ID1: variants seen among roughly 807,000 people sequenced by gnomAD.
The protein encoded by ID1 is DNA-binding protein inhibitor ID-1.
A neutral mutation model predicts 11.3 loss-of-function variants in ID1; 8 were observed. The observed-to-expected ratio is 0.71, with a 90% CI of 0.42 to 1.28. ID1 has a LOEUF of 1.28. ID1 is among the 50% of genes most tolerant of loss of function. ID1 has a pLI of 0.01. For missense variants in ID1, 347 were observed against 219.8 expected (o/e 1.58, Z -3.66); for synonymous variants, 176 against 100.2 (o/e 1.76, Z -4.52).
At position 31,606,055 on chromosome 20, in the gene ID1, G is replaced by T. The variant is rs370401552; in HGVS notation, c.429G>T (p.Ala143=). ...NGEISALTAE[A]ACVPADDRIL... ...CTCATTTCTTCTCGTTTTCACAGGCGGCATGCGTTCCTGCGGACGATCGCA... is the reference window on the plus strand; with the variant it reads ...CTCATTTCTTCTCGTTTTCACAGGCTGCATGCGTTCCTGCGGACGATCGCA... Residue 143 remains alanine (A), a splice_region_variant and synonymous_variant, in exon 2 of 2, where the codon GCG becomes GCT. Transcript: ENST00000376112. 1.3e-5 allele frequency: 21 copies of T among 1,611,210 alleles called. No individual in the cohort carries two copies. The African/African-American group carries it at 2.5e-4, about 19-fold the overall frequency.
Position 31,605,456 on chromosome 20 carries a change from G to C in ID1, c.69G>C (p.Lys23Asn). Residue 23 changes from lysine to asparagine, a missense_variant, in exon 1 of 2, where the codon AAG becomes AAC. By Grantham distance (94) the Lys-to-Asn change is moderately conservative (BLOSUM62 0). Transcript: ENST00000376112. ...AGPSCALKAGKTASGAGEVVR... is the reference protein window; with the variant it reads ...AGPSCALKAGNTASGAGEVVR... Reference sequence around the variant, plus strand: ...CCAGCTGCGCGCTGAAGGCCGGCAAGACAGCGAGCGGTGCGGGCGAGGTGG... The same window carrying C: ...CCAGCTGCGCGCTGAAGGCCGGCAACACAGCGAGCGGTGCGGGCGAGGTGG... The C allele has an allele frequency of 1.2e-6, 2 of 1,609,028 alleles. No homozygotes were observed. The highest frequency in any genetic ancestry group is 1.7e-6 in the Non-Finnish European group (2 of 1,178,190).
chr20:31,606,459 A>G lies in ID1; in HGVS notation c.*365A>G. 2 of 275,570 alleles carry G rather than the reference A, an allele frequency of 7.3e-6. No homozygotes were observed. Among genetic ancestry groups the G allele is most frequent in the South Asian group, 8.2e-5 (1 of 12,180 alleles). 17.1% of individuals were successfully genotyped at this position (275,570 alleles called of 1,614,324 possible). A position where few individuals can be genotyped will look rare whatever the true frequency, so the allele number is the denominator to read the frequency against. On this transcript the variant is annotated 3_prime_UTR_variant, in exon 2 of 2. Coordinates refer to ENST00000376112, the MANE Select transcript of ID1 (RefSeq NM_002165.4). ...TCACCGACTGAAAATATTGTTTTAC[A>G]ATAGTTCTGTGGGGCTGTTTTTTTG...
At position 31,606,180 on chromosome 20, in the gene ID1, C is replaced by A; in HGVS notation, c.*86C>A. 1 of 1,386,632 alleles carries A rather than the reference C, an allele frequency of 7.2e-7. No individual in the cohort carries two copies. Among genetic ancestry groups the A allele is most frequent in the South Asian group, 1.2e-5 (1 of 84,306 alleles). 85.9% of individuals were successfully genotyped at this position (1,386,632 alleles called of 1,614,324 possible). ...TCTGTGGGTCTCCCCCAACGCGCCT[C>A]GCCGGATCTGAGGGAGAACAAGACC... is the stretch of plus-strand genomic sequence containing the variant. On this transcript the variant is annotated 3_prime_UTR_variant, in exon 2 of 2. Transcript: ENST00000376112.
Position 31,605,475 on chromosome 20 carries a change from G to C in ID1, c.88G>C (p.Glu30Gln), listed in dbSNP as rs1986056340. The C allele has an allele frequency of 6.2e-7, 1 of 1,607,720 alleles. No individual in the cohort carries two copies. Among genetic ancestry groups the C allele is most frequent in the Non-Finnish European group, 8.5e-7 (1 of 1,177,102 alleles). The change falls in exon 1 of 2, where the codon GAG becomes CAG. Residue 30 changes from glutamate to glutamine, a missense_variant. Physicochemically the swap from Glu to Gln is conservative, Grantham distance 29. Transcript: ENST00000376112. Reference protein sequence around the residue: ...KAGKTASGAGEVVRCLSEQSV... With the variant: ...KAGKTASGAGQVVRCLSEQSV... ...CGGCAAGACAGCGAGCGGTGCGGGC[G>C]AGGTGGTGCGCTGTCTGTCTGAGCA...
intron 1 of ID1, 119 bp downstream of exon 1, chr20:31,605,932 G>A (rs1986090512): frequency 7.6e-6 from 12 of 1,587,974 alleles, no homozygotes; most frequent in South Asian, 6.8e-5. Context: ...GCTATGCGGG[G>A]GTGCCTAAGG....
Position 31,605,536 on chromosome 20 carries a change from G to A in ID1, c.149G>A (p.Gly50Glu). ...ATCTCGCGCTGCGCCGGGGGCGCCG[G>A]GGCGCGCCTGCCTGCCCTGCTGGAC... ...VAISRCAGGA[G>E]ARLPALLDEQ... The change falls in exon 1 of 2, where the codon GGG (glycine) becomes GAG (glutamate). Residue 50 changes from glycine (G) to glutamate (E), a missense_variant. Gly to Glu is a moderately conservative substitution (Grantham distance 98, BLOSUM62 -2). Coordinates refer to ENST00000376112, the MANE Select transcript of ID1 (RefSeq NM_002165.4). 6.4e-7 allele frequency: 1 copy of A among 1,558,020 alleles called. No individual in the cohort carries two copies. The highest frequency in any genetic ancestry group is 8.7e-7 in the Non-Finnish European group (1 of 1,148,998).
chr20:31,606,162 G>A lies in ID1; in HGVS notation c.*68G>A. 1 of 1,513,000 alleles carries A rather than the reference G, an allele frequency of 6.6e-7. No homozygotes were observed. The highest frequency in any genetic ancestry group is 9.1e-7 in the Non-Finnish European group (1 of 1,094,230). 93.7% of individuals were successfully genotyped at this position (1,513,000 alleles called of 1,614,324 possible). On this transcript the variant is annotated 3_prime_UTR_variant, in exon 2 of 2. Coordinates refer to ENST00000376112, the MANE Select transcript of ID1 (RefSeq NM_002165.4). ...GCAAGAGGAATTACGTGCTCTGTGGGTCTCCCCCAACGCGCCTCGCCGGAT... is the reference window on the plus strand; with the variant it reads ...GCAAGAGGAATTACGTGCTCTGTGGATCTCCCCCAACGCGCCTCGCCGGAT...
At position 31,605,778 on chromosome 20, in the gene ID1, A is replaced by T. The variant is rs1986080258; in HGVS notation, c.391A>T (p.Thr131Ser). The change falls in exon 1 of 2, where the codon ACC (threonine) becomes TCC (serine). Residue 131 changes from threonine (T) to serine (S), a missense_variant. Coordinates refer to ENST00000376112, the MANE Select transcript of ID1 (RefSeq NM_002165.4). ...GCTGCCGGTCCGGGCTCCGCTCAGC[A>T]CCCTCAACGGCGAGATCAGCGCCCT... ...RGLPVRAPLS[T>S]LNGEISALTA... 6.2e-7 allele frequency: 1 copy of T among 1,610,922 alleles called. No homozygotes were observed. Among genetic ancestry groups the T allele is most frequent in the Non-Finnish European group, 8.5e-7 (1 of 1,178,696 alleles).
At position 31,605,411 on chromosome 20, in the gene ID1, C is replaced by T. The variant is rs989359342; in HGVS notation, c.24C>T (p.Thr8=). The T allele has an allele frequency of 2.5e-6, 4 of 1,601,948 alleles. No individual in the cohort carries two copies. The highest frequency in any genetic ancestry group is 2.2e-5 in the East Asian group (1 of 44,466). ...TCATGAAAGTCGCCAGTGGCAGCAC[C>T]GCCACCGCCGCCGCGGGCCCCAGCT... The part of the protein sequence containing the change: MKVASGS[T]ATAAAGPSCA... The change falls in exon 1 of 2, where the codon ACC becomes ACT. Residue 8 remains threonine, a synonymous_variant. Coordinates refer to ENST00000376112, the MANE Select transcript of ID1 (RefSeq NM_002165.4).
chr20:31,605,539 C>T lies in ID1; in HGVS notation c.152C>T (p.Ala51Val), dbSNP rs776270122. ...TCGCGCTGCGCCGGGGGCGCCGGGGCGCGCCTGCCTGCCCTGCTGGACGAG... is the reference window on the plus strand; with the variant it reads ...TCGCGCTGCGCCGGGGGCGCCGGGGTGCGCCTGCCTGCCCTGCTGGACGAG... ...AISRCAGGAGARLPALLDEQQ... is the reference protein window; with the variant it reads ...AISRCAGGAGVRLPALLDEQQ... Residue 51 changes from alanine (A) to valine (V), a missense_variant, in exon 1 of 2, where the codon GCG (alanine) becomes GTG (valine). By Grantham distance (64) the Ala-to-Val change is moderately conservative. Coordinates refer to ENST00000376112, the MANE Select transcript of ID1 (RefSeq NM_002165.4). 3.9e-6 allele frequency: 6 copies of T among 1,557,356 alleles called. No homozygotes were observed. The highest frequency in any genetic ancestry group is 1.4e-5 in the African/African-American group (1 of 73,648).
chr20:31,605,848 T>C (rs936134731), intron 1 of ID1, 35 bp downstream of exon 1: 4 of 1,601,716 alleles, frequency 2.5e-6, no homozygotes, highest in South Asian at 1.1e-5. Context: ...ATCATCCTTA[T>C]ACCGACGGGG....
In ID1 at chr20:31,605,702, T is replaced by G. The variant is rs891708660; in HGVS notation, c.315T>G (p.Leu105=). The G allele has an allele frequency of 7.4e-6, 12 of 1,611,642 alleles. No homozygotes were observed. The highest frequency in any genetic ancestry group is 1.6e-4 in the Middle Eastern group (1 of 6,080). The change falls in exon 1 of 2, where the codon CTT becomes CTG. Residue 105 remains leucine (L), a synonymous_variant. Transcript: ENST00000376112. ...LQHVIDYIRD[L]QLELNSESEV... Reference sequence around the variant, plus strand: ...ACGTCATCGACTACATCAGGGACCTTCAGTTGGAGCTGAACTCGGAATCCG... The same window carrying G: ...ACGTCATCGACTACATCAGGGACCTGCAGTTGGAGCTGAACTCGGAATCCG...
At position 31,605,392 on chromosome 20, in the gene ID1, A is replaced by T; in HGVS notation, c.5A>T (p.Lys2Ile). 1 of 1,600,078 alleles carries T rather than the reference A, an allele frequency of 6.2e-7. No homozygotes were observed. Among genetic ancestry groups the T allele is most frequent in the Non-Finnish European group, 8.5e-7 (1 of 1,177,516 alleles). Residue 2 changes from lysine (K) to isoleucine (I), a missense_variant, in exon 1 of 2, where the codon AAA becomes ATA. By Grantham distance (102) the Lys-to-Ile change is moderately radical. Coordinates refer to ENST00000376112, the MANE Select transcript of ID1 (RefSeq NM_002165.4). ...TTCAGCCAGTCGCCAAGAATCATGA[A>T]AGTCGCCAGTGGCAGCACCGCCACC... M[K>I]VASGSTATAA...
At position 31,605,740 on chromosome 20, in the gene ID1, C is replaced by T. The variant is rs200577120; in HGVS notation, c.353C>T (p.Pro118Leu). 1,615 of 1,610,690 alleles carry T rather than the reference C, an allele frequency of 1.0e-3. 3 individuals are homozygous for T. The highest frequency in any genetic ancestry group is 1.2e-3 in the Non-Finnish European group (1,399 of 1,178,582). The change falls in exon 1 of 2, where the codon CCC (proline) becomes CTC (leucine). Residue 118 changes from proline (P) to leucine (L), a missense_variant. Transcript: ENST00000376112. ...AACTCGGAATCCGAAGTTGGAACCC[C>T]CGGGGGCCGAGGGCTGCCGGTCCGG... is the stretch of plus-strand genomic sequence containing the variant. ...ELNSESEVGT[P>L]GGRGLPVRAP...
chr20:31,605,445 A>G lies in ID1; in HGVS notation c.58A>G (p.Lys20Glu). 6.2e-7 allele frequency: 1 copy of G among 1,608,886 alleles called. No individual in the cohort carries two copies. The highest frequency in any genetic ancestry group is 8.5e-7 in the Non-Finnish European group (1 of 1,178,386). ...CGCCGCGGGCCCCAGCTGCGCGCTG[A>G]AGGCCGGCAAGACAGCGAGCGGTGC... is the stretch of plus-strand genomic sequence containing the variant. ...TAAAGPSCAL[K>E]AGKTASGAGE... The change falls in exon 1 of 2, where the codon AAG (lysine) becomes GAG (glutamate). Residue 20 changes from lysine to glutamate, a missense_variant. Transcript: ENST00000376112.
rs770706614 is a variant in ID1, at chr20:31,605,749, G to A, written c.362G>A (p.Arg121Gln). 6.2e-7 allele frequency: 1 copy of A among 1,610,072 alleles called. No homozygotes were observed. Among genetic ancestry groups the A allele is most frequent in the Non-Finnish European group, 8.5e-7 (1 of 1,178,276 alleles). The part of the protein sequence containing the change: ...SESEVGTPGG[R>Q]GLPVRAPLST... ...TCCGAAGTTGGAACCCCCGGGGGCC[G>A]AGGGCTGCCGGTCCGGGCTCCGCTC... The change falls in exon 1 of 2, where the codon CGA becomes CAA. Residue 121 changes from arginine (R) to glutamine (Q), a missense_variant. By Grantham distance (43) the Arg-to-Gln change is conservative. Coordinates refer to ENST00000376112, the MANE Select transcript of ID1 (RefSeq NM_002165.4).
intron 1 of ID1, 34 bp downstream of exon 1, chr20:31,605,847 A>G (rs938285843): frequency 1.5e-5 from 24 of 1,601,984 alleles, no homozygotes; most frequent in Non-Finnish European, 1.8e-5. Flanking sequence ...GATCATCCTT[A>G]TACCGACGGG....
In ID1 at chr20:31,605,510, C is replaced by A; in HGVS notation, c.123C>A (p.Ala41=). Residue 41 remains alanine (A), a synonymous_variant, in exon 1 of 2, where the codon GCC becomes GCA. Transcript: ENST00000376112. ...GCTGTCTGTCTGAGCAGAGCGTGGC[C>A]ATCTCGCGCTGCGCCGGGGGCGCCG... is the stretch of plus-strand genomic sequence containing the variant. ...VVRCLSEQSV[A]ISRCAGGAGA... is the part of the protein sequence containing the mutation. 3 of 1,588,172 alleles carry A rather than the reference C, an allele frequency of 1.9e-6. No individual in the cohort carries two copies. The highest frequency in any genetic ancestry group is 2.6e-6 in the Non-Finnish European group (3 of 1,165,632).
Position 31,606,047 on chromosome 20 carries a change from T to C in ID1, c.427-6T>C, listed in dbSNP as rs745969071. 5.0e-6 allele frequency: 8 copies of C among 1,612,012 alleles called. No homozygotes were observed. Among genetic ancestry groups the C allele is most frequent in the Middle Eastern group, 3.3e-4 (2 of 6,084 alleles). On this transcript the variant is annotated splice_polypyrimidine_tract_variant and splice_region_variant and intron_variant, in intron 1 of 1. Transcript: ENST00000376112. ...CCGCCGGTCTCATTTCTTCTCGTTT[T>C]CACAGGCGGCATGCGTTCCTGCGGA... is the stretch of plus-strand genomic sequence containing the variant.
Sources: allele counts gnomAD v4.1 joint callset, GRCh38; gene constraint gnomAD v4.1.1; transcripts MANE v1.5; gene names NCBI Gene and HGNC (gene_info 2026-07-23, HGNC 2026-07-21).